INPP4B: variants seen among roughly 807,000 people sequenced by gnomAD.
The protein encoded by INPP4B is inositol polyphosphate-4-phosphatase type II B, also known as inositol polyphosphate 4-phosphatase type II.
A neutral mutation model predicts 122.5 loss-of-function variants in INPP4B; 55 were observed. The observed-to-expected ratio is 0.45, with a 90% CI of 0.36 to 0.56. The LOEUF is 0.56. Ranked by LOEUF, INPP4B falls within the 20% of genes least tolerant of loss-of-function variation. The probability of loss-of-function intolerance (pLI) is 0.00; values close to 1 mark genes in which losing one functional copy is unlikely to be tolerated. For synonymous variants in INPP4B, 403 were observed against 388.7 expected (o/e 1.04, Z -0.43); for missense variants, 1,000 against 1,097.7 (o/e 0.91, Z 1.26).
At chr4:142,111,740 A>ATT (rs76753106) in intron 22 of INPP4B, among the ~76,000 whole-genome samples, 11 of 151,406 alleles carry the variant, frequency 7.3e-5, no homozygotes, top group African/African-American at 2.2e-4. Context: ...AAAAAAAGAG[A>ATT]TTTTTTTTTA....
chr4:142,754,042 C>A (rs1001567779), intron 1 of INPP4B, among the ~76,000 whole-genome samples: 1 of 152,126 alleles, frequency 6.6e-6, no homozygotes, highest in South Asian at 2.1e-4. Context: ...CCTTCAGCAA[C>A]TGAAAAATCA....
At chr4:142,731,630 A>G (rs1216551266) in intron 1 of INPP4B, among the ~76,000 whole-genome samples, 1 of 152,204 alleles carries the variant, frequency 6.6e-6, no homozygotes, top group Non-Finnish European at 1.5e-5. Flanking sequence ...AAAGAAACAG[A>G]GGAGGAAGTC....
intron 2 of INPP4B, among the ~76,000 whole-genome samples, chr4:142,665,419 G>A (rs1208846340): frequency 6.6e-6 from 1 of 151,302 alleles, no homozygotes; most frequent in East Asian, 1.9e-4. Flanking sequence ...GCGTGAACCT[G>A]GGAGGCAGAG....
chr4:142,837,693 T>A (rs888198898), intron 1 of INPP4B, among the ~76,000 whole-genome samples: 2 of 152,152 alleles, frequency 1.3e-5, no homozygotes, highest in African/African-American at 4.8e-5. Context: ...CTGGTGAGGA[T>A]GGCAAAATGA....
In INPP4B at chr4:142,260,575, A is replaced by T. The variant is rs1348288231; in HGVS notation, c.616-11T>A. The stretch of plus-strand genomic sequence containing the variant: ...ACATACCAGGGCACACTAGGAAAAA[A>T]TGTAAAAAAAAAAAAAAAATTTTGA... On this transcript the variant is annotated splice_polypyrimidine_tract_variant and intron_variant, in intron 10 of 25. Coordinates refer to ENST00000262992, the MANE Select transcript of INPP4B (RefSeq NM_001101669.3). The T allele has an allele frequency of 6.0e-6, 9 of 1,506,860 alleles. No individual in the cohort carries two copies. Among genetic ancestry groups the T allele is most frequent in the Non-Finnish European group, 8.1e-6 (9 of 1,113,876 alleles). The allele number at this position is 1,506,860 out of a possible 1,614,324, so 93.3% of individuals were successfully genotyped here. A position where few individuals can be genotyped will look rare whatever the true frequency, so the allele number is the denominator to read the frequency against.
chr4:142,177,959 T>C (rs959219164), intron 15 of INPP4B, among the ~76,000 whole-genome samples: 1 of 152,158 alleles, frequency 6.6e-6, no homozygotes, highest in Admixed American at 6.5e-5. Context: ...TGTCTATATG[T>C]CCCTCCTAAG....
At chr4:142,380,769 T>C (rs1200432837) in intron 7 of INPP4B, among the ~76,000 whole-genome samples, 1 of 152,076 alleles carries the variant, frequency 6.6e-6, no homozygotes, top group Non-Finnish European at 1.5e-5. Flanking sequence ...ACATATAATA[T>C]ATATCATGTA....
intron 25 of INPP4B, among the ~76,000 whole-genome samples, chr4:142,043,957 A>G (rs1326453448): frequency 1.3e-5 from 2 of 152,222 alleles, no homozygotes; most frequent in Non-Finnish European, 2.9e-5. Flanking sequence ...GGCTACTACA[A>G]TAGTAAAGGC....
chr4:142,334,026 T>TC (rs1190541829), intron 7 of INPP4B, among the ~76,000 whole-genome samples: 4 of 152,284 alleles, frequency 2.6e-5, no homozygotes, highest in African/African-American at 7.2e-5. Flanking sequence ...CATTTCCTCC[T>TC]CCCCTCAGCC....
chr4:142,636,202 C>T (rs978496682), intron 2 of INPP4B, among the ~76,000 whole-genome samples: 7 of 152,080 alleles, frequency 4.6e-5, no homozygotes, highest in Admixed American at 1.3e-4. Context: ...CTGAGGTCTC[C>T]CCAGCAATGC....
At chr4:142,405,346 G>T in intron 5 of INPP4B, 22 bp from the exon 6 acceptor site, 2 of 1,401,948 alleles carry the variant, frequency 1.4e-6, no homozygotes, top group Non-Finnish European at 2.0e-6. Context: ...AGAGGAGACA[G>T]AAAGAAAAGA....
intron 2 of INPP4B, chr4:142,518,699 C>T (rs1825717039): frequency 1.3e-5 from 2 of 152,146 alleles, no homozygotes; most frequent in Admixed American, 1.3e-4. Flanking sequence ...ATCATTCACT[C>T]TAGGAGAGCC....
chr4:142,124,464 A>T (rs765458781), intron 19 of INPP4B, 124 bp downstream of exon 19: 2 of 812,350 alleles, frequency 2.5e-6, no homozygotes, highest in Non-Finnish European at 4.0e-6. Flanking sequence ...GAAACATGGG[A>T]TACCAAAACT....
At chr4:142,280,065 C>T (rs889913200) in intron 9 of INPP4B, among the ~76,000 whole-genome samples, 2 of 151,238 alleles carry the variant, frequency 1.3e-5, no homozygotes, top group Admixed American at 6.6e-5. Flanking sequence ...CACTTTAACA[C>T]CCTTACAATG....
chr4:142,189,891 G>A (rs1450575817), intron 15 of INPP4B, among the ~76,000 whole-genome samples: 1 of 152,112 alleles, frequency 6.6e-6, no homozygotes, highest in Non-Finnish European at 1.5e-5. Flanking sequence ...CAGAAACTGT[G>A]CTTTAAAAGT....
intron 21 of INPP4B, 117 bp downstream of exon 21, chr4:142,122,011 G>GA (rs986325440): frequency 1.2e-4 from 82 of 688,144 alleles, no homozygotes; most frequent in South Asian, 2.1e-4. Context: ...AAAAGGAAAA[G>GA]AAAAAAAACA....
At chr4:142,448,710 A>G (rs1233177850) in intron 3 of INPP4B, among the ~76,000 whole-genome samples, 1 of 152,206 alleles carries the variant, frequency 6.6e-6, no homozygotes, top group Non-Finnish European at 1.5e-5. Flanking sequence ...GAAGGCTACC[A>G]TCATTGTAGG....
intron 10 of INPP4B, among the ~76,000 whole-genome samples, chr4:142,263,645 T>TATATATATATATATATATATATATATAA: frequency 1.8e-5 from 1 of 55,136 alleles, no homozygotes; most frequent in Non-Finnish European, 3.3e-5. Context: ...GTAAAATATA[T>TATATATATATATATATATATATATATAA]ATATATATAT....
intron 7 of INPP4B, among the ~76,000 whole-genome samples, chr4:142,344,757 G>T (rs1013076931): frequency 5.3e-5 from 8 of 151,890 alleles, no homozygotes; most frequent in African/African-American, 1.9e-4. Flanking sequence ...GAAAAATAAT[G>T]CATGGACATA....
Sources: gnomAD v4.1 joint callset for allele counts (sites outside exome capture counted in the v4.1 genomes callset) on GRCh38, gnomAD v4.1.1 for gene constraint, MANE v1.5 for transcripts, NCBI Gene and HGNC (gene_info 2026-07-23, HGNC 2026-07-21) for gene names.